PLCXD1: variants seen among roughly 807,000 people sequenced by gnomAD.
PLCXD1 encodes PI-PLC X domain-containing protein 1.
PLCXD1 carries 45 observed loss-of-function variants against 37.8 expected under a neutral mutation model. The observed-to-expected ratio is 1.19, with a 90% CI of 0.94 to 1.53. The LOEUF is 1.53. Ranked by LOEUF, PLCXD1 falls within the 40% of genes most tolerant of loss-of-function variation. PLCXD1 has a pLI of 0.00. For synonymous variants in PLCXD1, 246 were observed against 206.9 expected (o/e 1.19, Z -1.62); for missense variants, 539 against 454.7 (o/e 1.19, Z -1.69).
chrX:278,738 C>A (rs867837581), upstream of PLCXD1, among the ~76,000 whole-genome samples: 605 of 102,582 alleles, frequency 5.9e-3, no homozygotes, highest in Non-Finnish European at 5.9e-3. Flanking sequence ...GACTCCGTCT[C>A]AAAAAAAAAA....
rs753316510 is a variant in PLCXD1, at chrX:284,726, A to G, written c.127+412A>G. ...GTGTTGGTCTGTTCTCACGCTGCTA[A>G]CAAAGACATACCCGAGACTGGGTAA... On this transcript the variant is annotated intron_variant, in intron 2 of 6. Transcript: ENST00000381657. 2.4e-4 allele frequency among the ~76,000 whole-genome samples: 37 copies of G among 152,100 alleles called. 1 individual carries two copies. In the South Asian group the frequency reaches 7.0e-3, roughly 29 times the overall value.
Position 293,369 on chromosome X carries a change from A to T in PLCXD1, c.733+151A>T, listed in dbSNP as rs185232179. ...GGGCGTGGTAATCCCTGTACCTGTA[A>T]TCCCAGCACTTCGGGAGGCCGAGGC... On this transcript the variant is annotated intron_variant, in intron 6 of 6. Coordinates refer to ENST00000381657, the MANE Select transcript of PLCXD1 (RefSeq NM_018390.4). 256 of 645,862 alleles carry T rather than the reference A, an allele frequency of 4.0e-4. No homozygotes were observed. The East Asian group carries it at 7.1e-3, about 18-fold the overall frequency. The allele number at this position is 645,862 out of a possible 1,614,324, so 40.0% of individuals were successfully genotyped here. A position where few individuals can be genotyped will look rare whatever the true frequency, so the allele number is the denominator to read the frequency against.
At chrX:290,473 C>T (rs1333175088) in intron 3 of PLCXD1, among the ~76,000 whole-genome samples, 175 bp from the exon 4 acceptor site, 1 of 151,648 alleles carries the variant, frequency 6.6e-6, no homozygotes, top group Non-Finnish European at 1.5e-5. Flanking sequence ...TGAGGTTTTC[C>T]AAATGCAGGT....
At position 290,767 on chromosome X, in the gene PLCXD1, G is replaced by A. The variant is rs376779196; in HGVS notation, c.384G>A (p.Ala128=). 8.1e-6 allele frequency: 13 copies of A among 1,611,138 alleles called. No homozygotes were observed. Among genetic ancestry groups the A allele is most frequent in the African/African-American group, 6.7e-5 (5 of 74,858 alleles). The change falls in exon 4 of 7, where the codon GCG becomes GCA. Residue 128 remains alanine (A), a synonymous_variant. Transcript: ENST00000381657. ...TTGTCCATATGGTGTACACAACGGC[G>A]CTGGTGGAGGTGCGGCCGGGCTGAG... ...LHFVHMVYTT[A]LVEDTLTEIS...
At chrX:287,109 A>C (rs1024610330) in intron 2 of PLCXD1, among the ~76,000 whole-genome samples, 1 of 151,836 alleles carries the variant, frequency 6.6e-6, no homozygotes, top group Non-Finnish European at 1.5e-5. Flanking sequence ...GGATCACTTG[A>C]GTTTAGGAGT....
At chrX:288,951 A>C in intron 3 of PLCXD1, 82 bp downstream of exon 3, 3 of 1,387,738 alleles carry the variant, frequency 2.2e-6, no homozygotes, top group Non-Finnish European at 3.1e-6. Context: ...ATGGCCCCTC[A>C]CCCAGGTAGG....
chrX:287,342 G>C (rs2069479010), intron 2 of PLCXD1, among the ~76,000 whole-genome samples: 2 of 143,148 alleles, frequency 1.4e-5, no homozygotes, highest in South Asian at 4.2e-4. Context: ...AACATAATAT[G>C]TGGATATATA....
rs779256176 is a variant in PLCXD1 at position 290,622 on chromosome X, G to A, written c.265-26G>A. On this transcript the variant is annotated intron_variant, in intron 3 of 6. Coordinates refer to ENST00000381657, the MANE Select transcript of PLCXD1 (RefSeq NM_018390.4). ...CCCAGACGCGGCGCTCAGCCAGGCA[G>A]ACATGACAGCAGCCTCTGTCCACAG... is the stretch of plus-strand genomic sequence containing the variant. The A allele has an allele frequency of 1.9e-6, 3 of 1,612,850 alleles. No individual in the cohort carries two copies. The South Asian group carries it at 3.3e-5, about 18-fold the overall frequency.
chrX:296,829 T>C (rs2069824851), intron 6 of PLCXD1, among the ~76,000 whole-genome samples: 1 of 152,116 alleles, frequency 6.6e-6, no homozygotes, highest in South Asian at 2.1e-4. Context: ...CATTATCCTG[T>C]CTACCTCATG....
At position 302,174 on chromosome X, in the gene PLCXD1, T is replaced by C; in HGVS notation, c.*2839T>C. ...CCCTGCGTGGTGTGGCAGCGTCTTCTCTCGGGAAGGGTCAGGAGTAATTTC... is the reference window on the plus strand; with the variant it reads ...CCCTGCGTGGTGTGGCAGCGTCTTCCCTCGGGAAGGGTCAGGAGTAATTTC... On this transcript the variant is annotated 3_prime_UTR_variant, in exon 7 of 7. Coordinates refer to ENST00000381657, the MANE Select transcript of PLCXD1 (RefSeq NM_018390.4). 6.6e-6 allele frequency: 1 copy of C among 152,060 alleles called. No homozygotes were observed. Among genetic ancestry groups the C allele is most frequent in the Non-Finnish European group, 1.5e-5 (1 of 68,086 alleles). 9.4% of individuals were successfully genotyped at this position (152,060 alleles called of 1,614,324 possible). A position where few individuals can be genotyped will look rare whatever the true frequency, so the allele number is the denominator to read the frequency against.
At position 299,271 on chromosome X, in the gene PLCXD1, T is replaced by C; in HGVS notation, c.908T>C (p.Phe303Ser). The C allele has an allele frequency of 6.2e-7, 1 of 1,613,872 alleles. No individual in the cohort carries two copies. The highest frequency in any genetic ancestry group is 8.5e-7 in the Non-Finnish European group (1 of 1,179,842). Residue 303 changes from phenylalanine to serine, a missense_variant, in exon 7 of 7, where the codon TTC becomes TCC. Phe to Ser is a radical substitution (Grantham distance 155). Coordinates refer to ENST00000381657, the MANE Select transcript of PLCXD1 (RefSeq NM_018390.4). ...SRCTNIIAGD[F>S]IGADGFVSDV... ...TGCACCAACATCATCGCGGGGGACT[T>C]CATCGGCGCAGACGGCTTCGTCAGT...
In PLCXD1 at chrX:295,217, T is replaced by C. The variant is rs368780429; in HGVS notation, c.733+1999T>C. ...TTTTTGTACGTGAATTTCACCACAATTTTTGTAAAAAAGCCACCGACGGGG... is the reference window on the plus strand; with the variant it reads ...TTTTTGTACGTGAATTTCACCACAACTTTTGTAAAAAAGCCACCGACGGGG... On this transcript the variant is annotated intron_variant, in intron 6 of 6. Coordinates refer to ENST00000381657, the MANE Select transcript of PLCXD1 (RefSeq NM_018390.4). 4.5e-4 allele frequency among the ~76,000 whole-genome samples: 68 copies of C among 151,642 alleles called. 1 individual carries two copies. The highest frequency in any genetic ancestry group is 1.6e-3 in the African/African-American group (67 of 41,354).
At position 290,745 on chromosome X, in the gene PLCXD1, T is replaced by C; in HGVS notation, c.362T>C (p.Val121Ala). 1 of 1,612,898 alleles carries C rather than the reference T, an allele frequency of 6.2e-7. No individual in the cohort carries two copies. Among genetic ancestry groups the C allele is most frequent in the Non-Finnish European group, 8.5e-7 (1 of 1,179,792 alleles). The change falls in exon 4 of 7, where the codon GTC (valine) becomes GCC (alanine). Residue 121 changes from valine to alanine, a missense_variant. Transcript: ENST00000381657. ...GGCTCGGAGAAGAACCTGCACTTTG[T>C]CCATATGGTGTACACAACGGCGCTG... ...LEGSEKNLHFVHMVYTTALVE... is the reference protein window; with the variant it reads ...LEGSEKNLHFAHMVYTTALVE...
At chrX:285,273 T>C (rs974989600) in intron 2 of PLCXD1, among the ~76,000 whole-genome samples, 25 of 152,098 alleles carry the variant, frequency 1.6e-4, no homozygotes, top group African/African-American at 6.0e-4. Flanking sequence ...TACATGCACA[T>C]AGGCTCATAC....
intron 1 of PLCXD1, among the ~76,000 whole-genome samples, chrX:282,319 T>G (rs1286793985): frequency 2.1e-4 from 30 of 146,194 alleles, no homozygotes; most frequent in Non-Finnish European, 3.9e-4. Flanking sequence ...GAGGCGGAGG[T>G]TGCAGTGAGC....
rs776284024 is a variant in PLCXD1 at position 286,517 on chromosome X, G to A, written c.127+2203G>A. Among the ~76,000 whole-genome samples, 4 of 152,098 alleles carry A rather than the reference G, an allele frequency of 2.6e-5. No individual in the cohort carries two copies. The East Asian group carries it at 5.8e-4, about 22-fold the overall frequency. On this transcript the variant is annotated intron_variant, in intron 2 of 6. Transcript: ENST00000381657. ...AGAGGTTTCTTTGGCCGGGAGCTTC[G>A]GCAGACTCACATCTTAAGAGCCGAG...
At chrX:285,198 ACAG>A (rs1410812007) in intron 2 of PLCXD1, among the ~76,000 whole-genome samples, 7 of 152,104 alleles carry the variant, frequency 4.6e-5, no homozygotes, top group Non-Finnish European at 1.0e-4. Flanking sequence ...ATGCACACAC[ACAG>A]GTGTACACAC....
At chrX:286,346 T>C (rs754843431) in intron 2 of PLCXD1, among the ~76,000 whole-genome samples, 43 of 152,228 alleles carry the variant, frequency 2.8e-4, no homozygotes, top group Non-Finnish European at 5.1e-4. Flanking sequence ...ATTGCAGACA[T>C]GAGCTATTGC....
chrX:283,953 C>T lies in PLCXD1; in HGVS notation c.-21-214C>T, dbSNP rs1317144458. ...CTGGAGTGCAGTGGCGGGATCTCCG[C>T]TCACTGTAACCTCCACCTCCCGGGT... On this transcript the variant is annotated intron_variant, in intron 1 of 6. Transcript: ENST00000381657. 2.2e-5 allele frequency: 11 copies of T among 506,182 alleles called. No individual in the cohort carries two copies. The Admixed American group carries it at 2.4e-4, about 11-fold the overall frequency. 31.4% of individuals were successfully genotyped at this position (506,182 alleles called of 1,614,324 possible). A position where few individuals can be genotyped will look rare whatever the true frequency, so the allele number is the denominator to read the frequency against.
Sources: allele counts gnomAD v4.1 joint callset (sites outside exome capture counted in the v4.1 genomes callset), GRCh38; gene constraint gnomAD v4.1.1; transcripts MANE v1.5; gene names NCBI Gene and HGNC (gene_info 2026-07-23, HGNC 2026-07-21).